The following TENM3 variants were observed in gnomAD, a reference collection of about 807,000 sequenced individuals.
TENM3 encodes the protein teneurin-3.
Under a neutral mutation model 255.1 loss-of-function variants are expected in TENM3, and 63 were observed. The ratio of observed to expected loss-of-function variants is 0.25; its 90% CI spans 0.20 to 0.30. The LOEUF is 0.30. Ranked by LOEUF, TENM3 falls within the 10% of genes least tolerant of loss-of-function variation. The probability of loss-of-function intolerance (pLI) is 1.00; values close to 1 mark genes in which losing one functional copy is unlikely to be tolerated. For synonymous variants in TENM3, 1,306 were observed against 1,322.3 expected, an observed-to-expected ratio of 0.99 and a Z score of 0.27; for missense variants, 2,929 against 3,461.1, an observed-to-expected ratio of 0.85 and a Z score of 3.86.
At chr4:182,466,308 G>A (rs1417532393) in intron 3 of TENM3, among the ~76,000 whole-genome samples, 3 of 152,100 alleles carry the variant, frequency 2.0e-5, no homozygotes, top group African/African-American at 7.2e-5. Context: ...GAATACTCTA[G>A]GGAAGAATCC....
chr4:182,291,868 G>A (rs1761153028), intron 1 of TENM3, among the ~76,000 whole-genome samples: 1 of 152,076 alleles, frequency 6.6e-6, no homozygotes, highest in African/African-American at 2.4e-5. Context: ...CTTAAACTCA[G>A]CTGTGTGTGT....
chr4:181,683,288 C>T, the TENM3 span, among the ~76,000 whole-genome samples: 1 of 152,066 alleles, frequency 6.6e-6, no homozygotes, highest in Non-Finnish European at 1.5e-5. Context: ...CATGACTCAC[C>T]TAGAGGCCCA....
At chr4:181,586,035 G>C in the TENM3 span, among the ~76,000 whole-genome samples, 3 of 152,138 alleles carry the variant, frequency 2.0e-5, no homozygotes, top group African/African-American at 4.8e-5. Flanking sequence ...AGAATGTAGG[G>C]TTCAGAGGTA....
At chr4:182,758,079 G>A (rs1002835214) in intron 22 of TENM3, among the ~76,000 whole-genome samples, 5 of 152,194 alleles carry the variant, frequency 3.3e-5, no homozygotes, top group African/African-American at 9.6e-5. Context: ...AAAAACCAGC[G>A]TTTTGTTAAT....
intron 3 of TENM3, among the ~76,000 whole-genome samples, chr4:182,387,581 G>A (rs1024666400): frequency 6.6e-6 from 1 of 152,064 alleles, no homozygotes; most frequent in African/African-American, 2.4e-5. Flanking sequence ...TTGGGTCCAC[G>A]CTGCTTTTAT....
chr4:182,382,993 G>A (rs192011233), intron 3 of TENM3, among the ~76,000 whole-genome samples: 104 of 152,214 alleles, frequency 6.8e-4, no homozygotes, highest in Non-Finnish European at 1.2e-3. Context: ...AATTCATTCT[G>A]GCGCTTGCTA....
At chr4:182,132,043 T>A in the TENM3 span, among the ~76,000 whole-genome samples, 1 of 152,130 alleles carries the variant, frequency 6.6e-6, no homozygotes, top group African/African-American at 2.4e-5. Flanking sequence ...ATTTTTACTT[T>A]ATCCTGAATA....
chr4:181,868,798 T>A, the TENM3 span, among the ~76,000 whole-genome samples: 2 of 152,160 alleles, frequency 1.3e-5, no homozygotes, highest in Admixed American at 1.3e-4. Context: ...TTATTGTATT[T>A]AGCATAATAA....
intron 3 of TENM3, among the ~76,000 whole-genome samples, chr4:182,515,562 A>G (rs965361749): frequency 6.6e-6 from 1 of 152,196 alleles, no homozygotes; most frequent in African/African-American, 2.4e-5. Context: ...ATGTATGTAC[A>G]TATGTACACA....
the TENM3 span, among the ~76,000 whole-genome samples, chr4:181,740,054 C>T: frequency 6.6e-6 from 1 of 152,144 alleles, no homozygotes; most frequent in South Asian, 2.1e-4. Flanking sequence ...ACCTAATCCC[C>T]AGCCTCAACC....
intron 3 of TENM3, among the ~76,000 whole-genome samples, chr4:182,393,971 A>G (rs1314766197): frequency 6.6e-6 from 1 of 152,222 alleles, no homozygotes; most frequent in Non-Finnish European, 1.5e-5. Context: ...ACCATGCATG[A>G]AGGCAGAGAA....
At chr4:182,487,740 CATGATAG>C (rs1293129569) in intron 3 of TENM3, among the ~76,000 whole-genome samples, 4 of 152,140 alleles carry the variant, frequency 2.6e-5, no homozygotes, top group Non-Finnish European at 5.9e-5. Context: ...AACATAATCA[CATGATAG>C]ATGCTTGCGA....
intron 1 of TENM3, among the ~76,000 whole-genome samples, chr4:182,248,132 A>G (rs562415785): frequency 4.8e-4 from 73 of 152,304 alleles, no homozygotes; most frequent in African/African-American, 1.7e-3. Context: ...TATTTTATTC[A>G]CTATATTTCA....
chr4:182,479,549 G>C (rs946402027), intron 3 of TENM3, among the ~76,000 whole-genome samples: 2 of 151,962 alleles, frequency 1.3e-5, no homozygotes, highest in East Asian at 3.8e-4. Flanking sequence ...TTGAAGAAAT[G>C]AGGAATGCCA....
intron 1 of TENM3, among the ~76,000 whole-genome samples, chr4:182,188,403 T>C (rs1416737314): frequency 6.6e-6 from 1 of 152,170 alleles, no homozygotes; most frequent in Non-Finnish European, 1.5e-5. Flanking sequence ...ATTAAACACC[T>C]AGATTCGGCT....
At chr4:182,499,384 G>A (rs1736107474) in intron 3 of TENM3, among the ~76,000 whole-genome samples, 1 of 152,168 alleles carries the variant, frequency 6.6e-6, no homozygotes, top group Non-Finnish European at 1.5e-5. Flanking sequence ...AGGAGTTCTA[G>A]CAGAGGCCTT....
chr4:182,680,422 C>A, intron 9 of TENM3, 73 bp downstream of exon 9: 5 of 1,315,000 alleles, frequency 3.8e-6, no homozygotes, highest in Non-Finnish European at 5.4e-6. Flanking sequence ...CAAAAACTAC[C>A]GAGACAGGAA....
chr4:182,331,189 T>A (rs2150552071), intron 2 of TENM3, among the ~76,000 whole-genome samples: 1 of 152,208 alleles, frequency 6.6e-6, no homozygotes, highest in South Asian at 2.1e-4. Context: ...AAATCATGAA[T>A]AATCAAAAAA....
chr4:182,463,684 C>T (rs574774128), intron 3 of TENM3, among the ~76,000 whole-genome samples: 24 of 151,296 alleles, frequency 1.6e-4, no homozygotes, highest in African/African-American at 5.6e-4. Context: ...AGTGCAGTGG[C>T]GCAATCTCGG....
Sources: allele counts gnomAD v4.1 joint callset (sites outside exome capture counted in the v4.1 genomes callset), GRCh38; gene constraint gnomAD v4.1.1; transcripts MANE v1.5; gene names NCBI Gene and HGNC (gene_info 2026-07-23, HGNC 2026-07-21).